MARCHF1: variants seen among roughly 807,000 people sequenced by gnomAD.
The protein encoded by MARCHF1 is E3 ubiquitin-protein ligase MARCHF1.
MARCHF1 carries 40 observed loss-of-function variants against 54.2 expected under a neutral mutation model. The observed-to-expected ratio is 0.74, with a 90% confidence interval of 0.57 to 0.96. MARCHF1 has a LOEUF of 0.96. MARCHF1 is among the 40% of genes least tolerant of loss of function. MARCHF1 has a pLI of 0.00. For missense variants in MARCHF1, 586 were observed against 656.5 expected (o/e 0.89, Z 1.17); for synonymous variants, 236 against 236.3 (o/e 1.00, Z 0.01).
intron 2 of MARCHF1, among the ~76,000 whole-genome samples, chr4:164,043,495 G>A (rs1754172657): frequency 6.6e-6 from 1 of 152,150 alleles, no homozygotes; most frequent in Non-Finnish European, 1.5e-5. Flanking sequence ...AGGCTGAACA[G>A]AGCAGCTGGA....
At chr4:164,361,979 TG>T (rs1730734139) in intron 1 of MARCHF1, among the ~76,000 whole-genome samples, 1 of 152,096 alleles carries the variant, frequency 6.6e-6, no homozygotes, top group Admixed American at 6.6e-5. Context: ...ATTATGCATT[TG>T]GGGATACACT....
rs535917893 is a variant in MARCHF1, at chr4:164,171,666, T to G, written c.-322-60004A>C. On this transcript the variant is annotated intron_variant, in intron 1 of 9. Coordinates refer to ENST00000514618, the MANE Select transcript of MARCHF1 (RefSeq NM_001394959.1). ...AAGCCTTAAATGAATTTAAGTACAC[T>G]TTTAAGGAATAATAAACTAAAAAAT... Among the ~76,000 whole-genome samples the G allele has an allele frequency of 5.9e-5, 9 of 152,282 alleles. No homozygotes were observed. The South Asian group carries it at 1.4e-3, about 25-fold the overall frequency.
At chr4:163,724,999 G>C (rs1043045202) in intron 4 of MARCHF1, among the ~76,000 whole-genome samples, 1 of 152,028 alleles carries the variant, frequency 6.6e-6, no homozygotes, top group Non-Finnish European at 1.5e-5. Flanking sequence ...ACACTCAGTG[G>C]GCTGCACCTA....
chr4:164,188,430 C>T (rs1731034107), intron 1 of MARCHF1: 1 of 596,606 alleles, frequency 1.7e-6, no homozygotes, highest in Non-Finnish European at 3.1e-6. Flanking sequence ...CTCGGTGAGG[C>T]GTGGTTCGAG....
intron 1 of MARCHF1, among the ~76,000 whole-genome samples, chr4:164,351,885 A>T (rs1167730822): frequency 3.3e-5 from 5 of 151,494 alleles, no homozygotes; most frequent in Non-Finnish European, 5.9e-5. Flanking sequence ...AGAATGTATA[A>T]CTAGAAGAAC....
intron 4 of MARCHF1, among the ~76,000 whole-genome samples, chr4:163,833,237 T>A (rs1749081715): frequency 6.6e-6 from 1 of 152,186 alleles, no homozygotes. Context: ...TTTTTCCACA[T>A]CCTCTCCAGC....
chr4:163,862,197 A>C (rs1400523543), intron 3 of MARCHF1, among the ~76,000 whole-genome samples: 1 of 152,078 alleles, frequency 6.6e-6, no homozygotes, highest in Non-Finnish European at 1.5e-5. Context: ...TGAAAGAAAA[A>C]ATGTTGATAA....
At chr4:164,074,464 C>T (rs1468264608) in intron 2 of MARCHF1, among the ~76,000 whole-genome samples, 7 of 152,096 alleles carry the variant, frequency 4.6e-5, no homozygotes, top group African/African-American at 1.2e-4. Flanking sequence ...TTGATTCACT[C>T]TAAGTCGGGA....
chr4:163,874,884 C>T (rs142523110), intron 3 of MARCHF1, among the ~76,000 whole-genome samples: 93 of 152,142 alleles, frequency 6.1e-4, no homozygotes, highest in African/African-American at 2.2e-3. Context: ...ATTTTGTCCT[C>T]TTTTAGGCAA....
chr4:164,143,244 C>T (rs1372420471), intron 1 of MARCHF1, among the ~76,000 whole-genome samples: 1 of 151,770 alleles, frequency 6.6e-6, no homozygotes, highest in Non-Finnish European at 1.5e-5. Flanking sequence ...TTGGAAAACA[C>T]TCTGCAGGAT....
chr4:163,812,502 A>T (rs947138841), intron 4 of MARCHF1, among the ~76,000 whole-genome samples: 6 of 152,164 alleles, frequency 3.9e-5, no homozygotes, highest in Non-Finnish European at 5.9e-5. Context: ...TCACACCTGT[A>T]ATCCCAGCAC....
chr4:164,190,017 G>T (rs1579608430), intron 1 of MARCHF1: 1 of 1,421,686 alleles, frequency 7.0e-7, no homozygotes, highest in Non-Finnish European at 1.0e-6. Context: ...TGAGAAGTTT[G>T]CTGAGGAAGA....
rs1347306580 is a variant in MARCHF1, at chr4:163,832,343, T to C, written c.111+21678A>G. Among the ~76,000 whole-genome samples, 16 of 152,286 alleles carry C rather than the reference T, an allele frequency of 1.1e-4. 1 individual carries two copies. The highest frequency in any genetic ancestry group is 3.6e-4 in the African/African-American group (15 of 41,584). On this transcript the variant is annotated intron_variant, in intron 4 of 9. Coordinates refer to ENST00000514618, the MANE Select transcript of MARCHF1 (RefSeq NM_001394959.1). ...TCTCCGTGAGTTTTGCAACCCTTAA[T>C]AAATCCCTTCATTTCAAGCTTCTAT... is the stretch of plus-strand genomic sequence containing the variant.
At chr4:164,204,182 C>CTCA (rs1162669631) in intron 1 of MARCHF1, among the ~76,000 whole-genome samples, 4 of 152,066 alleles carry the variant, frequency 2.6e-5, no homozygotes, top group South Asian at 2.1e-4. Flanking sequence ...GGCGTGAAGT[C>CTCA]TCATCAAACG....
At chr4:164,197,160 A>C in intron 1 of MARCHF1, 1 of 1,606,436 alleles carries the variant, frequency 6.2e-7, no homozygotes. Context: ...CGCCCTCCTC[A>C]TCTTCCACTA....
intron 4 of MARCHF1, among the ~76,000 whole-genome samples, chr4:163,736,765 G>A (rs1255999759): frequency 6.6e-6 from 1 of 152,066 alleles, no homozygotes; most frequent in Non-Finnish European, 1.5e-5. Context: ...AAATTATAAA[G>A]TATTCACCAA....
chr4:163,867,835 G>A (rs1231434681), intron 3 of MARCHF1, among the ~76,000 whole-genome samples: 2 of 84,392 alleles, frequency 2.4e-5, no homozygotes, highest in Non-Finnish European at 4.7e-5. Context: ...TTTTTTTCCT[G>A]AGAAGCTTAT....
chr4:164,083,664 T>G (rs1196002539), intron 2 of MARCHF1, among the ~76,000 whole-genome samples: 1 of 152,150 alleles, frequency 6.6e-6, no homozygotes, highest in Non-Finnish European at 1.5e-5. Flanking sequence ...ATGCTGCATC[T>G]TGGTTAGATC....
intron 4 of MARCHF1, among the ~76,000 whole-genome samples, chr4:163,797,353 ATGTGTG>A (rs10595715): frequency 1.6e-4 from 24 of 150,182 alleles, no homozygotes; most frequent in African/African-American, 4.9e-4. Flanking sequence ...GTGTGTGTTT[ATGTGTG>A]TGTGTGTGTG....
Sources: allele counts gnomAD v4.1 joint callset (sites outside exome capture counted in the v4.1 genomes callset), GRCh38; gene constraint gnomAD v4.1.1; transcripts MANE v1.5; gene names NCBI Gene and HGNC (gene_info 2026-07-23, HGNC 2026-07-21).